The following FRMPD4 variants were observed in gnomAD, a reference collection of about 807,000 sequenced individuals.
FRMPD4 encodes the protein FERM and PDZ domain containing 4.
FRMPD4 carries 22 observed loss-of-function variants against 94.1 expected under a neutral mutation model. The observed-to-expected ratio is 0.23, with a 90% CI of 0.17 to 0.33. The LOEUF is 0.33. FRMPD4 is among the 10% of genes least tolerant of loss of function. The pLI is 1.00. For synonymous variants in FRMPD4, 631 were observed against 548.6 expected (o/e 1.15, Z -2.10); for missense variants, 1,111 against 1,339.9 (o/e 0.83, Z 2.67).
chrX:12,111,190 C>A (rs78316069), intron 3 of FRMPD4, among the ~76,000 whole-genome samples: 8,476 of 111,532 alleles, frequency 0.076, 859 homozygotes, highest in East Asian at 0.57. Context: ...CTACAGTAAC[C>A]AAAACAGCAT....
chrX:12,417,292 G>C (rs904527606), intron 1 of FRMPD4, among the ~76,000 whole-genome samples: 2 of 111,135 alleles, frequency 1.8e-5, no homozygotes, highest in African/African-American at 6.5e-5. Context: ...AATAAATTTA[G>C]TTTTGGCCCG....
intron 3 of FRMPD4, among the ~76,000 whole-genome samples, chrX:12,115,201 T>G (rs2055397922): frequency 8.9e-6 from 1 of 112,280 alleles, no homozygotes. Context: ...TTCTATTTCA[T>G]TTGAACAAGA....
chrX:12,384,422 T>C (rs1297111416), intron 1 of FRMPD4, among the ~76,000 whole-genome samples: 2 of 111,299 alleles, frequency 1.8e-5, no homozygotes, highest in East Asian at 5.7e-4. Context: ...GGAGGTTGAA[T>C]TGGGAAGATC....
At chrX:11,896,992 T>C (rs147493802) in intron 3 of FRMPD4, among the ~76,000 whole-genome samples, 1 of 110,464 alleles carries the variant, frequency 9.1e-6, no homozygotes, top group Non-Finnish European at 1.9e-5. Context: ...CTTAAACTGG[T>C]CTTGTGTTTG....
intron 11 of FRMPD4, 104 bp from the exon 12 acceptor site, chrX:12,706,722 C>T (rs762225509): frequency 3.5e-4 from 154 of 435,531 alleles, no homozygotes; most frequent in South Asian, 3.4e-3. Flanking sequence ...ACTTTTCAGC[C>T]GTAAAATCAT....
Position 12,518,825 on chromosome X carries a change from GCACA to G in FRMPD4, c.158+20048_158+20051del, listed in dbSNP as rs757932325. On this transcript the variant is annotated intron_variant, in intron 2 of 16. Transcript: ENST00000675598. ...AACACTAAAAATTACGTGCGCGCGT[GCACA>G]CACACACACACACACACAAACTGCT... Among the ~76,000 whole-genome samples, 9 of 107,769 alleles carry G rather than the reference GCACA, an allele frequency of 8.4e-5. No individual in the cohort carries two copies. The East Asian group carries it at 8.6e-4, about 10-fold the overall frequency. The allele number at this position is 107,769 out of a possible 115,157, so 93.6% of individuals were successfully genotyped here. A position where few individuals can be genotyped will look rare whatever the true frequency, so the allele number is the denominator to read the frequency against.
chrX:12,572,713 A>G (rs1469353679), intron 2 of FRMPD4, among the ~76,000 whole-genome samples: 1 of 111,913 alleles, frequency 8.9e-6, no homozygotes, highest in Non-Finnish European at 1.9e-5. Context: ...AAGACAGATT[A>G]ATAGGAGAAA....
At chrX:12,131,838 C>CT (rs1219375809) in intron 3 of FRMPD4, among the ~76,000 whole-genome samples, 3 of 112,133 alleles carry the variant, frequency 2.7e-5, no homozygotes, top group Non-Finnish European at 5.6e-5. Flanking sequence ...ATAATAATAA[C>CT]TTTTTTCTCT....
chrX:12,543,119 C>T (rs1220814757), intron 2 of FRMPD4, among the ~76,000 whole-genome samples: 2 of 111,034 alleles, frequency 1.8e-5, no homozygotes, highest in East Asian at 5.6e-4. Context: ...CATGTTAGAC[C>T]TAAAACCATA....
At chrX:12,528,306 T>TTTTTTTGTTTTTG (rs2058246774) in intron 2 of FRMPD4, among the ~76,000 whole-genome samples, 1 of 101,652 alleles carries the variant, frequency 9.8e-6, no homozygotes. Flanking sequence ...TTAGTCTGTT[T>TTTTTTTGTTTTTG]TTTTTTGTTT....
At chrX:12,303,332 G>C (rs913329159) in intron 1 of FRMPD4, among the ~76,000 whole-genome samples, 2 of 111,879 alleles carry the variant, frequency 1.8e-5, no homozygotes, top group Admixed American at 1.9e-4. Context: ...TTTGATTTTA[G>C]TCACATCAGA....
chrX:12,468,982 C>T (rs144473557), intron 1 of FRMPD4, among the ~76,000 whole-genome samples: 227 of 112,155 alleles, frequency 2.0e-3, no homozygotes, highest in African/African-American at 4.9e-3. Context: ...ACAACTGCAA[C>T]CCAAATTTGG....
intron 3 of FRMPD4, among the ~76,000 whole-genome samples, chrX:11,897,143 T>C (rs1443906394): frequency 1.1e-5 from 1 of 91,938 alleles, no homozygotes; most frequent in African/African-American, 4.1e-5. Context: ...GGAACATGGA[T>C]GAATTACAAA....
chrX:12,701,801 T>C, intron 9 of FRMPD4, 73 bp from the exon 10 acceptor site: 2 of 1,082,902 alleles, frequency 1.8e-6, no homozygotes, highest in Non-Finnish European at 2.5e-6. Context: ...GAAATGTATG[T>C]CACCTGTTCT....
chrX:12,100,085 G>A (rs1469283982), intron 3 of FRMPD4, among the ~76,000 whole-genome samples: 1 of 112,301 alleles, frequency 8.9e-6, no homozygotes, highest in Non-Finnish European at 1.9e-5. Context: ...GAGACTGTGT[G>A]TCTTCAAAGC....
chrX:12,256,417 G>T (rs1415389002), intron 1 of FRMPD4, among the ~76,000 whole-genome samples: 1 of 112,143 alleles, frequency 8.9e-6, no homozygotes, highest in Admixed American at 9.4e-5. Context: ...TTAGGTCTAT[G>T]AGCCAATAAT....
intron 1 of FRMPD4, among the ~76,000 whole-genome samples, chrX:12,382,477 A>G (rs866101377): frequency 2.4e-5 from 2 of 83,005 alleles, no homozygotes; most frequent in Admixed American, 2.8e-4. Context: ...CTCTCCTAGC[A>G]TAGCATAGCA....
At chrX:12,368,143 G>A (rs1601865465) in intron 1 of FRMPD4, among the ~76,000 whole-genome samples, 1 of 111,944 alleles carries the variant, frequency 8.9e-6, no homozygotes, top group Non-Finnish European at 1.9e-5. Context: ...TGAAGAGCTG[G>A]CCCCCTGGAG....
chrX:12,463,699 T>TTG (rs1187708647), intron 1 of FRMPD4, among the ~76,000 whole-genome samples: 1 of 93,574 alleles, frequency 1.1e-5, no homozygotes, highest in African/African-American at 3.9e-5. Context: ...TTTGTTTTTG[T>TTG]TTTTTTTTTT....
Sources: gnomAD v4.1 joint callset for allele counts (sites outside exome capture counted in the v4.1 genomes callset) on GRCh38, gnomAD v4.1.1 for gene constraint, MANE v1.5 for transcripts, NCBI Gene and HGNC (gene_info 2026-07-23, HGNC 2026-07-21) for gene names.